FBLN5: variants seen among roughly 807,000 people sequenced by gnomAD.
FBLN5 encodes fibulin-5.
FBLN5 carries 24 observed loss-of-function variants against 61.6 expected under a neutral mutation model. That is an observed-to-expected ratio of 0.39 (90% CI 0.28 to 0.55). The LOEUF is 0.55. Ranked by LOEUF, FBLN5 falls within the 20% of genes least tolerant of loss-of-function variation. The pLI is 0.65. For missense variants in FBLN5, 470 were observed against 594.1 expected (o/e 0.79, Z 2.17); for synonymous variants, 213 against 219.8 (o/e 0.97, Z 0.27).
rs1595354367 is a variant in FBLN5 at position 91,947,128 on chromosome 14, G to C, written c.17+85C>G. The C allele has an allele frequency of 6.3e-7, 1 of 1,592,224 alleles. No homozygotes were observed. The highest frequency in any genetic ancestry group is 1.7e-5 in the Admixed American group (1 of 59,174). ...CCAATATCCTGACACCGCCTGAATC[G>C]CAGCCATAACCATTTTCCACCCATC... is the stretch of plus-strand genomic sequence containing the variant. On this transcript the variant is annotated intron_variant, in intron 1 of 10. Transcript: ENST00000342058. This position sits in a 1 kb window ranked among gnomAD's most constrained non-coding sequence, Gnocchi z 4.3.
At position 91,870,286 on chromosome 14, in the gene FBLN5, T is replaced by C; in HGVS notation, c.1285A>G (p.Ile429Val). 6.2e-7 allele frequency: 1 copy of C among 1,614,222 alleles called. No homozygotes were observed. The highest frequency in any genetic ancestry group is 1.3e-5 in the African/African-American group (1 of 75,062). ...DLEMITVNTV[I>V]NFRGSSVIRL... is the part of the protein sequence containing the mutation. ...ATCACGGAGCTGCCTCTGAAGTTGA[T>C]GACAGTGTTGACAGTGATCATTTCC... Residue 429 changes from isoleucine to valine, a missense_variant, in exon 11 of 11, where the codon ATC (isoleucine) becomes GTC (valine). Coordinates refer to ENST00000342058, the MANE Select transcript of FBLN5 (RefSeq NM_006329.4).
chr14:91,928,715 T>G (rs7142263), intron 4 of FBLN5, among the ~76,000 whole-genome samples: 1 of 150,564 alleles, frequency 6.6e-6, no homozygotes, highest in Non-Finnish European at 1.5e-5. Context: ...GAGGATGCAG[T>G]GAGCAGAGAT....
intron 2 of FBLN5, among the ~76,000 whole-genome samples, chr14:91,941,516 G>A (rs1406248345): frequency 6.6e-6 from 1 of 152,164 alleles, no homozygotes; most frequent in African/African-American, 2.4e-5. Flanking sequence ...TGAGCTGTTG[G>A]TTGATTTGCA....
At chr14:91,942,843 G>T (rs986108144) in intron 2 of FBLN5, 64 bp downstream of exon 2, 3 of 1,064,618 alleles carry the variant, frequency 2.8e-6, no homozygotes, top group African/African-American at 3.1e-5. Flanking sequence ...GTAGCGCAAG[G>T]CTGGACTCCC....
rs188539696 is a variant in FBLN5 at position 91,893,559 on chromosome 14, G to C, written c.502+1391C>G. The stretch of plus-strand genomic sequence containing the variant: ...CAACTCCTCCAGGACTGACTTTCAG[G>C]CAACAGAATGGTGTCTTAGAGAATT... On this transcript the variant is annotated intron_variant, in intron 5 of 10. Coordinates refer to ENST00000342058, the MANE Select transcript of FBLN5 (RefSeq NM_006329.4). Among the ~76,000 whole-genome samples the C allele has an allele frequency of 3.5e-3, 540 of 152,314 alleles. 2 individuals carry two copies. The highest frequency in any genetic ancestry group is 0.012 in the African/African-American group (515 of 41,560).
rs1043041157 is a variant in FBLN5, at chr14:91,947,260, G to A, written c.-31C>T. 10 of 1,613,988 alleles carry A rather than the reference G, an allele frequency of 6.2e-6. No homozygotes were observed. The highest frequency in any genetic ancestry group is 8.5e-6 in the Non-Finnish European group (10 of 1,180,020). ...AGACGCGCGAGGAGGAGATGCGAAG[G>A]CGAGAAGAAAGCTCGCGGGCGGGAC... On this transcript the variant is annotated 5_prime_UTR_variant, in exon 1 of 11. Coordinates refer to ENST00000342058, the MANE Select transcript of FBLN5 (RefSeq NM_006329.4). This position sits in a 1 kb window ranked among gnomAD's most constrained non-coding sequence, Gnocchi z 4.3.
intron 7 of FBLN5, 37 bp downstream of exon 7, chr14:91,887,156 A>G: frequency 6.2e-7 from 1 of 1,612,680 alleles, no homozygotes; most frequent in Non-Finnish European, 8.5e-7. Context: ...CCAGGCCCCA[A>G]GTACAGGTGG....
At chr14:91,884,302 G>T (rs1300172794) in intron 7 of FBLN5, among the ~76,000 whole-genome samples, 1 of 152,170 alleles carries the variant, frequency 6.6e-6, no homozygotes, top group Non-Finnish European at 1.5e-5. Context: ...ATCTGATTTG[G>T]TTGTGCCTCC....
Position 91,904,904 on chromosome 14 carries a change from A to G in FBLN5, c.380-9832T>C, listed in dbSNP as rs569786829. ...CTCTTTCCTCCTGGGACAGCTTGAC[A>G]TCCCAGATGGGAAAGAACTTTATTC... On this transcript the variant is annotated intron_variant, in intron 4 of 10. Coordinates refer to ENST00000342058, the MANE Select transcript of FBLN5 (RefSeq NM_006329.4). Among the ~76,000 whole-genome samples, 271 of 152,338 alleles carry G rather than the reference A, an allele frequency of 1.8e-3. 1 individual carries two copies. Among genetic ancestry groups the G allele is most frequent in the Non-Finnish European group, 2.4e-3 (162 of 68,032 alleles).
intron 7 of FBLN5, among the ~76,000 whole-genome samples, chr14:91,884,277 G>A (rs1251239576): frequency 6.6e-6 from 1 of 152,198 alleles, no homozygotes; most frequent in East Asian, 1.9e-4. Flanking sequence ...GAAAAGTCAC[G>A]TGTGCTCAGG....
At chr14:91,890,625 A>G (rs960934503) in intron 6 of FBLN5, among the ~76,000 whole-genome samples, 5 of 152,246 alleles carry the variant, frequency 3.3e-5, no homozygotes, top group Non-Finnish European at 5.9e-5. Flanking sequence ...TCAAATGATC[A>G]TGTGAAAACC....
intron 4 of FBLN5, among the ~76,000 whole-genome samples, chr14:91,915,535 A>T (rs1340278647): frequency 1.3e-5 from 2 of 151,664 alleles, no homozygotes; most frequent in African/African-American, 2.4e-5. Context: ...AATACAAAAA[A>T]ATTAGCCCAG....
chr14:91,931,083 T>C (rs527682810), intron 4 of FBLN5, among the ~76,000 whole-genome samples: 1 of 152,282 alleles, frequency 6.6e-6, no homozygotes, highest in East Asian at 1.9e-4. Flanking sequence ...GAGACAGGCA[T>C]TGTTATATCC....
intron 10 of FBLN5, chr14:91,874,452 T>G (rs968739430): frequency 6.6e-6 from 1 of 152,214 alleles, no homozygotes; most frequent in Admixed American, 6.5e-5. Context: ...AGGTAAAGCA[T>G]ACCTCCCCAT....
At chr14:91,878,436 T>TC (rs1212477552) in intron 9 of FBLN5, among the ~76,000 whole-genome samples, 1 of 152,134 alleles carries the variant, frequency 6.6e-6, no homozygotes, top group Non-Finnish European at 1.5e-5. Flanking sequence ...AACACCCCCT[T>TC]CCTCTGTCTC....
At chr14:91,881,060 G>C (rs2139956797) in intron 9 of FBLN5, among the ~76,000 whole-genome samples, 1 of 152,198 alleles carries the variant, frequency 6.6e-6, no homozygotes, top group African/African-American at 2.4e-5. Flanking sequence ...CTTGCTATGT[G>C]CAATGTACTC....
intron 4 of FBLN5, among the ~76,000 whole-genome samples, chr14:91,905,050 G>C (rs138021921): frequency 6.6e-6 from 1 of 152,152 alleles, no homozygotes; most frequent in South Asian, 2.1e-4. Context: ...CAAGCTGGCC[G>C]TGAGAATACC....
Position 91,887,330 on chromosome 14 carries a change from A to C in FBLN5, c.620-18T>G, listed in dbSNP as rs1344588155. The stretch of plus-strand genomic sequence containing the variant: ...GTTCACATCTGTGGAAAGCCAAGGC[A>C]CATTGCTGACTGTCCTCCCAACAGA... On this transcript the variant is annotated intron_variant, in intron 6 of 10. Transcript: ENST00000342058. The C allele has an allele frequency of 6.2e-7, 1 of 1,611,512 alleles. No individual in the cohort carries two copies. Among genetic ancestry groups the C allele is most frequent in the Non-Finnish European group, 8.5e-7 (1 of 1,179,642 alleles).
chr14:91,914,866 G>T (rs1891122298), intron 4 of FBLN5, among the ~76,000 whole-genome samples: 1 of 149,970 alleles, frequency 6.7e-6, no homozygotes, highest in African/African-American at 2.5e-5. Context: ...TTTAATTAAA[G>T]AATTAACACA....
Sources: gnomAD v4.1 joint callset for allele counts (sites outside exome capture counted in the v4.1 genomes callset) on GRCh38, gnomAD v4.1.1 for gene constraint, Gnocchi (gnomAD v3.1) non-coding constraint, MANE v1.5 for transcripts, NCBI Gene and HGNC (gene_info 2026-07-23, HGNC 2026-07-21) for gene names.